Variants in GALNT18 observed in about 807,000 individuals in gnomAD.
GALNT18 encodes GalNAc-transferase 18.
In GALNT18, 44 loss-of-function variants were observed where a neutral mutation model predicts 69.5. That is an observed-to-expected ratio of 0.63 (90% confidence interval 0.50 to 0.81). The LOEUF (loss-of-function observed/expected upper bound fraction) is 0.81. Ranked by LOEUF, GALNT18 falls within the 40% of genes least tolerant of loss-of-function variation. The pLI is 0.00. For synonymous variants in GALNT18, 364 were observed against 318.2 expected, an observed-to-expected ratio of 1.14 and a Z score of -1.53; for missense variants, 715 against 810.0, an observed-to-expected ratio of 0.88 and a Z score of 1.42.
At position 11,307,172 on chromosome 11, in the gene GALNT18, A is replaced by AG. The variant is rs887232448; in HGVS notation, c.1513-13980_1513-13979insC. Among the ~76,000 whole-genome samples, 366 of 151,936 alleles carry AG rather than the reference A, an allele frequency of 2.4e-3. 1 individual carries two copies. The highest frequency in any genetic ancestry group is 6.5e-3 in the African/African-American group (269 of 41,482). ...TAGCCCAAATTGCCTGCTCTCAGGA[A>AG]AAAAAAATGGATGTGTCTCAGTCTA... is the stretch of plus-strand genomic sequence containing the variant. On this transcript the variant is annotated intron_variant, in intron 9 of 10. Coordinates refer to ENST00000227756, the MANE Select transcript of GALNT18 (RefSeq NM_198516.3).
intron 1 of GALNT18, among the ~76,000 whole-genome samples, chr11:11,544,247 A>G (rs1322496853): frequency 6.6e-6 from 1 of 152,198 alleles, no homozygotes; most frequent in Non-Finnish European, 1.5e-5. Flanking sequence ...CCTTCAGTAC[A>G]CACAAGTGGG....
intron 3 of GALNT18, among the ~76,000 whole-genome samples, chr11:11,398,939 T>C (rs972793797): frequency 2.6e-5 from 4 of 152,094 alleles, no homozygotes; most frequent in Non-Finnish European, 5.9e-5. Flanking sequence ...GGGCAGAGGA[T>C]AGCAGGTGCA....
At chr11:11,553,678 G>T (rs1408396411) in intron 1 of GALNT18, among the ~76,000 whole-genome samples, 1 of 137,910 alleles carries the variant, frequency 7.3e-6, no homozygotes, top group Non-Finnish European at 1.7e-5. Context: ...GAAGCACCAA[G>T]CTCCCCCCCA....
intron 10 of GALNT18, among the ~76,000 whole-genome samples, chr11:11,277,738 C>T (rs1848980833): frequency 1.3e-5 from 2 of 152,090 alleles, no homozygotes; most frequent in Non-Finnish European, 2.9e-5. Context: ...ATCTTTTATT[C>T]TGCCTTCATT....
chr11:11,419,494 G>A (rs189967107), intron 3 of GALNT18, among the ~76,000 whole-genome samples: 3 of 151,210 alleles, frequency 2.0e-5, no homozygotes, highest in Non-Finnish European at 4.4e-5. Flanking sequence ...CTACTCAGGA[G>A]GCTGAGGCAT....
intron 1 of GALNT18, among the ~76,000 whole-genome samples, chr11:11,503,146 A>C (rs1273137907): frequency 1.3e-5 from 2 of 152,208 alleles, no homozygotes; most frequent in African/African-American, 2.4e-5. Context: ...ATTTTAGTAC[A>C]AAGAATCGTG....
Position 11,402,921 on chromosome 11 carries a change from G to A in GALNT18, c.596-23657C>T, listed in dbSNP as rs995778052. Among the ~76,000 whole-genome samples the A allele has an allele frequency of 6.6e-6, 1 of 152,208 alleles. No individual in the cohort carries two copies. The highest frequency in any genetic ancestry group is 1.5e-5 in the Non-Finnish European group (1 of 68,044). The stretch of plus-strand genomic sequence containing the variant: ...GAGTTAGCACAGCTCTAGAAAGTGG[G>A]TGCTTCTTTCTTCTCTGCCCCAGGC... On this transcript the variant is annotated intron_variant, in intron 3 of 10. Transcript: ENST00000227756. The surrounding 1 kb of genome is among the most constrained non-coding windows in gnomAD (Gnocchi z 4.0).
intron 9 of GALNT18, among the ~76,000 whole-genome samples, chr11:11,312,679 T>C (rs929269571): frequency 8.5e-5 from 13 of 152,190 alleles, no homozygotes; most frequent in Non-Finnish European, 1.2e-4. Flanking sequence ...CTTAACCCCA[T>C]TTTACAGAAG....
chr11:11,428,705 A>C (rs560572532), intron 3 of GALNT18, among the ~76,000 whole-genome samples: 5 of 152,288 alleles, frequency 3.3e-5, no homozygotes, highest in African/African-American at 9.6e-5. Context: ...AATTTCTTTA[A>C]AGCCCTCCAA....
intron 2 of GALNT18, among the ~76,000 whole-genome samples, chr11:11,437,210 G>T (rs1855422723): frequency 6.6e-6 from 1 of 152,198 alleles, no homozygotes. Context: ...ACTCACAACT[G>T]CACGAGACCG....
intron 10 of GALNT18, among the ~76,000 whole-genome samples, chr11:11,287,455 T>A (rs1055153245): frequency 7.2e-5 from 11 of 152,144 alleles, no homozygotes; most frequent in African/African-American, 2.7e-4. Context: ...GCTTGACAAG[T>A]ATCCTGCCAC....
At chr11:11,467,281 C>G (rs186377454) in intron 1 of GALNT18, among the ~76,000 whole-genome samples, 3 of 152,336 alleles carry the variant, frequency 2.0e-5, no homozygotes, top group African/African-American at 7.2e-5. Context: ...TCAGGTGCTG[C>G]TGCCCCAACC....
chr11:11,421,213 T>C lies in GALNT18; in HGVS notation c.595+11408A>G, dbSNP rs982802776. 7.3e-6 allele frequency among the ~76,000 whole-genome samples: 1 copy of C among 137,528 alleles called. No individual in the cohort carries two copies. Among genetic ancestry groups the C allele is most frequent in the Non-Finnish European group, 1.5e-5 (1 of 65,530 alleles). 90.2% of individuals were successfully genotyped at this position (137,528 alleles called of 152,430 possible). A position where few individuals can be genotyped will look rare whatever the true frequency, so the allele number is the denominator to read the frequency against. ...CAGGCAGCTTCAGCGGTGCAGCATG[T>C]TGGGACCTCAGCAGAGAGGCCGGTG... On this transcript the variant is annotated intron_variant, in intron 3 of 10. Transcript: ENST00000227756. This position sits in a 1 kb window ranked among gnomAD's most constrained non-coding sequence, Gnocchi z 5.6.
intron 1 of GALNT18, among the ~76,000 whole-genome samples, chr11:11,610,287 A>G (rs1008058214): frequency 6.6e-6 from 1 of 152,248 alleles, no homozygotes; most frequent in East Asian, 1.9e-4. Context: ...GGAGCTTAAC[A>G]GTGGTAATGG....
intron 1 of GALNT18, among the ~76,000 whole-genome samples, chr11:11,516,898 G>A (rs1438279954): frequency 6.6e-6 from 1 of 152,224 alleles, no homozygotes; most frequent in Non-Finnish European, 1.5e-5. Flanking sequence ...GCAATGGACT[G>A]AATGTATATG....
chr11:11,531,135 C>G (rs376285284), intron 1 of GALNT18, among the ~76,000 whole-genome samples: 2 of 152,226 alleles, frequency 1.3e-5, no homozygotes, highest in Non-Finnish European at 2.9e-5. Context: ...AGACACTACA[C>G]GAGGATTTAT....
intron 1 of GALNT18, among the ~76,000 whole-genome samples, chr11:11,572,279 G>A (rs539150019): frequency 7.9e-5 from 12 of 152,140 alleles, no homozygotes; most frequent in Admixed American, 5.9e-4. Flanking sequence ...ACAAATACAC[G>A]GCCTGCTTGC....
rs1039932345 is a variant in GALNT18, at chr11:11,421,614, A to G, written c.595+11007T>C. On this transcript the variant is annotated intron_variant, in intron 3 of 10. Coordinates refer to ENST00000227756, the MANE Select transcript of GALNT18 (RefSeq NM_198516.3). The surrounding 1 kb of genome is among the most constrained non-coding windows in gnomAD (Gnocchi z 5.6). ...GAAACAGAGGCAGGCCAAACGCAGG[A>G]CCAATGCAGAGAAGGTTGGGGAAAG... 6.6e-6 allele frequency among the ~76,000 whole-genome samples: 1 copy of G among 152,156 alleles called. No individual in the cohort carries two copies. Among genetic ancestry groups the G allele is most frequent in the Non-Finnish European group, 1.5e-5 (1 of 68,020 alleles).
intron 6 of GALNT18, among the ~76,000 whole-genome samples, chr11:11,364,629 G>C (rs1850719124): frequency 6.6e-6 from 1 of 152,174 alleles, no homozygotes; most frequent in Non-Finnish European, 1.5e-5. Context: ...ACTGAATCTT[G>C]ATTCAAGCAA....
Sources: allele counts gnomAD v4.1 joint callset (sites outside exome capture counted in the v4.1 genomes callset), GRCh38; gene constraint gnomAD v4.1.1; non-coding constraint Gnocchi (gnomAD v3.1); transcripts MANE v1.5; gene names NCBI Gene and HGNC (gene_info 2026-07-23, HGNC 2026-07-21).